The following AP3S2 variants were observed in gnomAD, a reference collection of about 807,000 sequenced individuals.
The protein encoded by AP3S2 is AP-3 complex subunit sigma-2.
Under a neutral mutation model 23.4 loss-of-function variants are expected in AP3S2, and 22 were observed. That is an observed-to-expected ratio of 0.94 (90% CI 0.67 to 1.34). The LOEUF is 1.34. Among genes scored for constraint, AP3S2 ranks in the 40% most tolerant of loss-of-function variants. AP3S2 has a pLI of 0.00. For synonymous variants in AP3S2, 86 were observed against 87.1 expected (o/e 0.99, Z 0.07); for missense variants, 241 against 236.9 (o/e 1.02, Z -0.11).
At chr15:89,857,559 C>G (rs1401899033) in intron 4 of AP3S2, among the ~76,000 whole-genome samples, 1 of 152,176 alleles carries the variant, frequency 6.6e-6, no homozygotes, top group Non-Finnish European at 1.5e-5. Flanking sequence ...ATCTTAAATT[C>G]ATTTGGGAAG....
intron 3 of AP3S2, among the ~76,000 whole-genome samples, chr15:89,881,422 TTTAC>T (rs1278121131): frequency 1.3e-5 from 2 of 152,152 alleles, no homozygotes; most frequent in Non-Finnish European, 2.9e-5. Context: ...AATACGCAGA[TTTAC>T]TTATTTGTTG....
At chr15:89,893,474 G>A (rs1567191202) in intron 1 of AP3S2, 1 of 382,898 alleles carries the variant, frequency 2.6e-6, no homozygotes, top group East Asian at 3.8e-5. Context: ...TTCCAGTTCT[G>A]GCTATAACAA....
At chr15:89,845,019 C>A (rs1895452037) in intron 4 of AP3S2, among the ~76,000 whole-genome samples, 2 of 152,132 alleles carry the variant, frequency 1.3e-5, no homozygotes, top group South Asian at 4.1e-4. Flanking sequence ...GATTCTCTTG[C>A]CTCAGCCTCC....
intron 3 of AP3S2, among the ~76,000 whole-genome samples, chr15:89,881,616 C>G (rs1019841909): frequency 7.1e-6 from 1 of 141,430 alleles, no homozygotes; most frequent in African/African-American, 2.5e-5. Flanking sequence ...TTTCACTGGA[C>G]AAGTGGTTCA....
chr15:89,892,503 C>G (rs1321971459), intron 1 of AP3S2, among the ~76,000 whole-genome samples: 1 of 152,034 alleles, frequency 6.6e-6, no homozygotes, highest in Non-Finnish European at 1.5e-5. Context: ...AAGACCCCGT[C>G]TCTATAAGTA....
chr15:89,888,423 T>C, intron 3 of AP3S2, 98 bp downstream of exon 3: 1 of 1,164,492 alleles, frequency 8.6e-7, no homozygotes, highest in South Asian at 1.4e-5. Context: ...TTTACTAGTA[T>C]CAATAAGGAG....
At position 89,888,950 on chromosome 15, in the gene AP3S2, T is replaced by A. The variant is rs563113581; in HGVS notation, c.161+99A>T. 2.1e-6 allele frequency: 3 copies of A among 1,429,820 alleles called. No homozygotes were observed. In the Admixed American group the frequency reaches 5.4e-5, roughly 26 times the overall value. 88.6% of individuals were successfully genotyped at this position (1,429,820 alleles called of 1,614,324 possible). ...CATGGTGAGACCAGCTAAAGTTGCA[T>A]CAAGTACCCACCTGACACTTGAGTA... On this transcript the variant is annotated intron_variant, in intron 2 of 5. Coordinates refer to ENST00000336418, the MANE Select transcript of AP3S2 (RefSeq NM_005829.5).
At position 89,862,389 on chromosome 15, in the gene AP3S2, C is replaced by G. The variant is rs563004626; in HGVS notation, c.345+9086G>C. ...TTGTGCATCATTAGAGAATTACATA[C>G]AATGTATTATATAAGAATATCCTTG... On this transcript the variant is annotated intron_variant, in intron 4 of 5. Transcript: ENST00000336418. Among the ~76,000 whole-genome samples the G allele has an allele frequency of 2.6e-5, 4 of 152,208 alleles. No individual in the cohort carries two copies. In the South Asian group the frequency reaches 8.3e-4, roughly 32 times the overall value.
chr15:89,878,946 C>G (rs555494980), intron 3 of AP3S2, among the ~76,000 whole-genome samples: 2 of 152,188 alleles, frequency 1.3e-5, no homozygotes, highest in Non-Finnish European at 2.9e-5. Flanking sequence ...CGAGGTTTCA[C>G]CATGTTAGCC....
chr15:89,889,241 T>C (rs1251638242), intron 1 of AP3S2, 101 bp from the exon 2 acceptor site: 1 of 1,243,884 alleles, frequency 8.0e-7, no homozygotes, highest in Non-Finnish European at 1.1e-6. Flanking sequence ...GCTGGGAACA[T>C]CTAAACATTT....
At chr15:89,843,437 A>T (rs1455198553) in intron 4 of AP3S2, among the ~76,000 whole-genome samples, 11 of 151,516 alleles carry the variant, frequency 7.3e-5, no homozygotes, top group African/African-American at 2.7e-4. Context: ...CAGGAGTTCA[A>T]GACCAGCCTG....
At chr15:89,846,899 G>C (rs1596191114) in intron 4 of AP3S2, among the ~76,000 whole-genome samples, 1 of 151,946 alleles carries the variant, frequency 6.6e-6, no homozygotes, top group Non-Finnish European at 1.5e-5. Flanking sequence ...TCAAACTCCT[G>C]ATCTCAGGTG....
At chr15:89,889,343 G>T in intron 1 of AP3S2, 1 of 586,380 alleles carries the variant, frequency 1.7e-6, no homozygotes, top group South Asian at 2.0e-5. Flanking sequence ...CAGGAATTAA[G>T]ATAGGGTATA....
At position 89,833,705 on chromosome 15, in the gene AP3S2, T is replaced by G. The variant is rs182103922; in HGVS notation, c.*1810A>C. 114 of 152,342 alleles carry G rather than the reference T, an allele frequency of 7.5e-4. No individual in the cohort carries two copies. Among genetic ancestry groups the G allele is most frequent in the African/African-American group, 2.6e-3 (110 of 41,590 alleles). The allele number at this position is 152,342 out of a possible 1,614,324, so 9.4% of individuals were successfully genotyped here. ...GGTTTTGATATCTATTCACCTACACTTCCCTCTTCCACAGGAAGCGGCCCA... is the reference window on the plus strand; with the variant it reads ...GGTTTTGATATCTATTCACCTACACGTCCCTCTTCCACAGGAAGCGGCCCA... On this transcript the variant is annotated 3_prime_UTR_variant, in exon 6 of 6. Transcript: ENST00000336418.
At chr15:89,869,330 G>T (rs982243332) in intron 4 of AP3S2, among the ~76,000 whole-genome samples, 1 of 147,882 alleles carries the variant, frequency 6.8e-6, no homozygotes. Context: ...ATGGATTAAG[G>T]GCGGTGCAAG....
At chr15:89,835,678 T>C (rs1231213791) in intron 5 of AP3S2, 35 bp from the exon 6 acceptor site, 4 of 1,553,756 alleles carry the variant, frequency 2.6e-6, no homozygotes, top group Non-Finnish European at 2.6e-6. Flanking sequence ...TGAGACAAAT[T>C]CTCACTGTTA....
chr15:89,873,315 C>T (rs1406612159), intron 3 of AP3S2, among the ~76,000 whole-genome samples: 12 of 146,684 alleles, frequency 8.2e-5, no homozygotes, highest in African/African-American at 2.7e-4. Context: ...GACAGACTCT[C>T]GCTCTGTTGT....
intron 3 of AP3S2, among the ~76,000 whole-genome samples, chr15:89,879,012 T>C (rs1304587654): frequency 1.3e-5 from 2 of 152,194 alleles, no homozygotes; most frequent in East Asian, 1.9e-4. Flanking sequence ...TCCCAAAGCG[T>C]TGGGATTACG....
At chr15:89,868,413 C>T (rs1896214854) in intron 4 of AP3S2, among the ~76,000 whole-genome samples, 2 of 65,232 alleles carry the variant, frequency 3.1e-5, no homozygotes, top group African/African-American at 5.8e-5. Context: ...CTCCGCCCGG[C>T]CAGCCGCCCC....
Sources: allele counts gnomAD v4.1 joint callset (sites outside exome capture counted in the v4.1 genomes callset), GRCh38; gene constraint gnomAD v4.1.1; transcripts MANE v1.5; gene names NCBI Gene and HGNC (gene_info 2026-07-23, HGNC 2026-07-21).